Variants in ZNF420 observed in about 807,000 individuals in gnomAD.
ZNF420 encodes the protein zinc finger protein 420, also known as ATM and p53-associated KZNF protein.
In ZNF420, 31 loss-of-function variants were observed where a neutral mutation model predicts 44.7. That is an observed-to-expected ratio of 0.69 (90% CI 0.52 to 0.94). The LOEUF is 0.94. Ranked by LOEUF, ZNF420 falls within the 40% of genes least tolerant of loss-of-function variation. ZNF420 has a pLI of 0.00. For synonymous variants in ZNF420, 245 were observed against 267.4 expected (o/e 0.92, Z 0.82); for missense variants, 681 against 827.9 (o/e 0.82, Z 2.18).
At chr19:37,105,732 C>T (rs1386876996) in intron 4 of ZNF420, among the ~76,000 whole-genome samples, 1 of 152,156 alleles carries the variant, frequency 6.6e-6, no homozygotes, top group Non-Finnish European at 1.5e-5. Context: ...TTGTAGTTCT[C>T]CTTGAAGAGG....
chr19:37,045,285 A>G (rs1343098838), intron 1 of ZNF420, among the ~76,000 whole-genome samples: 1 of 152,236 alleles, frequency 6.6e-6, no homozygotes, highest in Non-Finnish European at 1.5e-5. Flanking sequence ...TTTCAAAGCC[A>G]GTTTGTTATT....
chr19:37,118,175 A>G (rs1187024866), intron 4 of ZNF420, among the ~76,000 whole-genome samples: 1 of 152,230 alleles, frequency 6.6e-6, no homozygotes, highest in Non-Finnish European at 1.5e-5. Context: ...TAATTGTCAG[A>G]TTCACCAAAG....
At chr19:37,107,715 G>C (rs1047227771) in intron 4 of ZNF420, 3 of 152,104 alleles carry the variant, frequency 2.0e-5, no homozygotes, top group Admixed American at 2.0e-4. Context: ...GACAGAACAG[G>C]CACACAAGGA....
intron 4 of ZNF420, among the ~76,000 whole-genome samples, chr19:37,120,728 T>C (rs1213720816): frequency 1.3e-5 from 2 of 152,184 alleles, no homozygotes; most frequent in African/African-American, 4.8e-5. Context: ...GAAAACCCCA[T>C]TGTCTCAGCC....
chr19:37,114,106 A>T (rs572474362), intron 4 of ZNF420, among the ~76,000 whole-genome samples: 1 of 152,238 alleles, frequency 6.6e-6, no homozygotes, highest in South Asian at 2.1e-4. Context: ...TTCAGGTGGT[A>T]TCGGTTCTAA....
At position 37,051,477 on chromosome 19, in the gene ZNF420, G is replaced by A. The variant is rs141315279; in HGVS notation, c.-124-28868G>A. The stretch of plus-strand genomic sequence containing the variant: ...GGCGTATGTGTTGAGGAATTTATCC[G>A]TTTCTTCTAGATTTTCAGTTTATTT... On this transcript the variant is annotated intron_variant, in intron 1 of 4. Coordinates refer to the ZNF420 transcript ENST00000587029. Among the ~76,000 whole-genome samples, 947 of 152,196 alleles carry A rather than the reference G, an allele frequency of 6.2e-3. 28 individuals are homozygous for A. Among genetic ancestry groups the A allele is most frequent in the East Asian group, 0.05 (257 of 5,184 alleles).
intron 1 of ZNF420, among the ~76,000 whole-genome samples, chr19:37,051,242 G>C (rs961033482): frequency 6.6e-6 from 1 of 152,234 alleles, no homozygotes; most frequent in Non-Finnish European, 1.5e-5. Flanking sequence ...CATAAAATGA[G>C]TTAGGGAGGA....
At chr19:37,021,672 C>T (rs552385953) in intron 1 of ZNF420, among the ~76,000 whole-genome samples, 1 of 152,124 alleles carries the variant, frequency 6.6e-6, no homozygotes, top group East Asian at 1.9e-4. Flanking sequence ...GGAGCAGTGG[C>T]TCACACCTGT....
chr19:37,019,102 A>C (rs2074628137), intron 1 of ZNF420, among the ~76,000 whole-genome samples: 1 of 152,200 alleles, frequency 6.6e-6, no homozygotes, highest in Non-Finnish European at 1.5e-5. Flanking sequence ...GAAAGAAAAT[A>C]TTTACAATCA....
At chr19:37,011,889 C>T (rs2074572015) in intron 1 of ZNF420, among the ~76,000 whole-genome samples, 1 of 152,190 alleles carries the variant, frequency 6.6e-6, no homozygotes, top group African/African-American at 2.4e-5. Flanking sequence ...CTTGCAGGAG[C>T]CCCAGGGCTT....
At chr19:37,126,707 C>A (rs10416428) in intron 4 of ZNF420, among the ~76,000 whole-genome samples, 36,891 of 151,960 alleles carry the variant, frequency 0.24, 5,486 homozygotes, top group East Asian at 0.61. Context: ...TAAAATTGTT[C>A]TTAATCTCTT....
At chr19:37,110,668 TGATAGA>T (rs1970339610) in intron 4 of ZNF420, among the ~76,000 whole-genome samples, 1 of 152,164 alleles carries the variant, frequency 6.6e-6, no homozygotes, top group South Asian at 2.1e-4. Flanking sequence ...GATACAATAT[TGATAGA>T]TTGATCAAAA....
intron 1 of ZNF420, among the ~76,000 whole-genome samples, chr19:37,036,317 T>A (rs1967353941): frequency 6.6e-6 from 1 of 152,252 alleles, no homozygotes; most frequent in Non-Finnish European, 1.5e-5. Flanking sequence ...CTACATATTG[T>A]ATGCATGTAT....
intron 1 of ZNF420, among the ~76,000 whole-genome samples, chr19:37,072,833 T>C (rs1329598664): frequency 6.6e-6 from 1 of 151,952 alleles, no homozygotes; most frequent in Non-Finnish European, 1.5e-5. Flanking sequence ...TTTTCTGTCA[T>C]TATTTCAAAA....
chr19:37,022,062 G>A (rs2074654318), intron 1 of ZNF420, among the ~76,000 whole-genome samples: 1 of 150,516 alleles, frequency 6.6e-6, no homozygotes, highest in Admixed American at 6.6e-5. Context: ...ATTTTCTTAT[G>A]TGTGATTATA....
chr19:37,111,426 C>T (rs1168814999), intron 4 of ZNF420: 1 of 152,126 alleles, frequency 6.6e-6, no homozygotes, highest in African/African-American at 2.4e-5. Flanking sequence ...TTTAATGTGC[C>T]TTTTCTTATT....
At chr19:37,048,749 G>T (rs922855670) in intron 1 of ZNF420, among the ~76,000 whole-genome samples, 2 of 151,562 alleles carry the variant, frequency 1.3e-5, no homozygotes, top group Non-Finnish European at 2.9e-5. Flanking sequence ...TAAGTTTTAG[G>T]ATACATGTGC....
intron 1 of ZNF420, among the ~76,000 whole-genome samples, chr19:37,044,842 GATA>G (rs1216533676): frequency 6.6e-6 from 1 of 152,064 alleles, no homozygotes; most frequent in East Asian, 1.9e-4. Flanking sequence ...AAATAATAAT[GATA>G]ATAATAATGT....
intron 1 of ZNF420, among the ~76,000 whole-genome samples, chr19:37,063,239 T>G (rs927393686): frequency 1.3e-5 from 2 of 151,958 alleles, no homozygotes; most frequent in East Asian, 3.9e-4. Context: ...AATTAAAGAG[T>G]GTGTAAGCAA....
Sources: allele counts gnomAD v4.1 joint callset (sites outside exome capture counted in the v4.1 genomes callset), GRCh38; gene constraint gnomAD v4.1.1; transcripts MANE v1.5; gene names NCBI Gene and HGNC (gene_info 2026-07-23, HGNC 2026-07-21).